Variants in EPHA1 observed in about 807,000 individuals in gnomAD.
EPHA1 encodes the protein EPH receptor A1.
In EPHA1, 92 loss-of-function variants were observed where a neutral mutation model predicts 110.1. That is an observed-to-expected ratio of 0.84 (90% CI 0.71 to 0.99). The LOEUF is 0.99. Ranked by LOEUF, EPHA1 falls within the 50% of genes least tolerant of loss-of-function variation. The pLI is 0.00. For synonymous variants in EPHA1, 500 were observed against 516.1 expected (o/e 0.97, Z 0.42); for missense variants, 1,204 against 1,285.4 (o/e 0.94, Z 0.97).
In EPHA1 at chr7:143,397,963, A is replaced by C; in HGVS notation, c.1572T>G (p.Pro524=). The change falls in exon 8 of 18, where the codon CCT becomes CCG. Residue 524 remains proline, a synonymous_variant. Transcript: ENST00000275815. ...ACTCATGATCAGGGGAGAAAGGGCCAGGACCCAGTGGGGTCAGCATTCGGA... is the reference window on the plus strand; with the variant it reads ...ACTCATGATCAGGGGAGAAAGGGCCCGGACCCAGTGGGGTCAGCATTCGGA... ...VRVRMLTPLG[P]GPFSPDHEFR... 1 of 1,614,176 alleles carries C rather than the reference A, an allele frequency of 6.2e-7. No homozygotes were observed. The highest frequency in any genetic ancestry group is 8.5e-7 in the Non-Finnish European group (1 of 1,180,016).
In EPHA1 at chr7:143,407,646, C is replaced by T; in HGVS notation, c.115G>A (p.Glu39Lys). The T allele has an allele frequency of 1.2e-6, 2 of 1,613,594 alleles. No homozygotes were observed. The highest frequency in any genetic ancestry group is 2.2e-5 in the East Asian group (1 of 44,810). The change falls in exon 2 of 18, where the codon GAG becomes AAG. Residue 39 changes from glutamate (E) to lysine (K), a missense_variant. Physicochemically the swap from Glu to Lys is moderately conservative, Grantham distance 56. Transcript: ENST00000275815. ...GGGGGATCCAGCAGCCAGCCCAGCTCTCCCTGTGCCTTGCTTGTGTCCATC... is the reference window on the plus strand; with the variant it reads ...GGGGGATCCAGCAGCCAGCCCAGCTTTCCCTGTGCCTTGCTTGTGTCCATC... ...TLMDTSKAQGELGWLLDPPKD... is the reference protein window; with the variant it reads ...TLMDTSKAQGKLGWLLDPPKD...
intron 10 of EPHA1, 97 bp from the exon 11 acceptor site, chr7:143,396,607 ACCTC>A: frequency 4.2e-6 from 6 of 1,442,952 alleles, no homozygotes; most frequent in Non-Finnish European, 3.8e-6. Flanking sequence ...ACTTCTCCAC[ACCTC>A]CCTGTTTCCC....
intron 11 of EPHA1, among the ~76,000 whole-genome samples, chr7:143,396,040 A>C (rs1157492417): frequency 6.6e-6 from 1 of 152,236 alleles, no homozygotes; most frequent in Non-Finnish European, 1.5e-5. Context: ...GGAGGGAATG[A>C]GTCCTACATT....
chr7:143,395,344 C>T lies in EPHA1; in HGVS notation c.2058G>A (p.Leu686=), dbSNP rs1307937760. Residue 686 remains leucine, a synonymous_variant, in exon 12 of 18, where the codon CTG becomes CTA. Coordinates refer to ENST00000275815, the MANE Select transcript of EPHA1 (RefSeq NM_005232.5). This position sits in a 1 kb window ranked among gnomAD's most constrained non-coding sequence, Gnocchi z 4.7. ...IMGQFSHPHI[L]HLEGVVTKRK... is the part of the protein sequence containing the mutation. ...GCTTTGTGACGACGCCTTCCAGATG[C>T]AGAATATGCGGGTGGCTAAACTGGC... is the stretch of plus-strand genomic sequence containing the variant. 36 of 1,614,106 alleles carry T rather than the reference C, an allele frequency of 2.2e-5. No individual in the cohort carries two copies. Among genetic ancestry groups the T allele is most frequent in the Non-Finnish European group, 2.6e-5 (31 of 1,180,058 alleles).
chr7:143,407,656 C>T lies in EPHA1; in HGVS notation c.105G>A (p.Lys35=). 6.2e-7 allele frequency: 1 copy of T among 1,613,408 alleles called. No homozygotes were observed. Among genetic ancestry groups the T allele is most frequent in the Non-Finnish European group, 8.5e-7 (1 of 1,179,668 alleles). ...GCAGCCAGCCCAGCTCTCCCTGTGC[C>T]TTGCTTGTGTCCATCAGAGTAACTG... ...AKEVTLMDTS[K]AQGELGWLLD... The change falls in exon 2 of 18, where the codon AAG becomes AAA. Residue 35 remains lysine, a synonymous_variant. Coordinates refer to ENST00000275815, the MANE Select transcript of EPHA1 (RefSeq NM_005232.5).
At position 143,397,696 on chromosome 7, in the gene EPHA1, A is replaced by G. The variant is rs756672063; in HGVS notation, c.1616-39T>C. The G allele has an allele frequency of 1.9e-6, 3 of 1,610,374 alleles. No homozygotes were observed. In the African/African-American group the frequency reaches 4.0e-5, roughly 22 times the overall value. ...GGGATGAGGAAGTGTTGGGACTCAC[A>G]GTCCGTAGGAATGAGGGGGGTTAAA... On this transcript the variant is annotated intron_variant, in intron 8 of 17. Coordinates refer to ENST00000275815, the MANE Select transcript of EPHA1 (RefSeq NM_005232.5).
At position 143,395,963 on chromosome 7, in the gene EPHA1, T is replaced by C. The variant is rs1367000920; in HGVS notation, c.1897+422A>G. On this transcript the variant is annotated intron_variant, in intron 11 of 17. Coordinates refer to ENST00000275815, the MANE Select transcript of EPHA1 (RefSeq NM_005232.5). The surrounding 1 kb of genome is among the most constrained non-coding windows in gnomAD (Gnocchi z 4.7). ...GTTCTCCACTGAGATCCATTTCCTC[T>C]GGTGACCCAAGGGAACAGGGCAGCC... is the stretch of plus-strand genomic sequence containing the variant. 1.3e-5 allele frequency among the ~76,000 whole-genome samples: 2 copies of C among 152,186 alleles called. No homozygotes were observed. Among genetic ancestry groups the C allele is most frequent in the East Asian group, 3.9e-4 (2 of 5,192 alleles).
At position 143,398,319 on chromosome 7, in the gene EPHA1, A is replaced by G; in HGVS notation, c.1464+2T>C. The G allele has an allele frequency of 6.2e-7, 1 of 1,613,926 alleles. No homozygotes were observed. Among genetic ancestry groups the G allele is most frequent in the Non-Finnish European group, 8.5e-7 (1 of 1,179,946 alleles). ...AAGACCATCTCTCAGTAGCATCCTG[A>G]CCTGGTTCAGCACGTGCAGCTCATA... On this transcript the variant is annotated splice_donor_variant, in intron 7 of 17. Coordinates refer to ENST00000275815, the MANE Select transcript of EPHA1 (RefSeq NM_005232.5). LOFTEE classifies it high-confidence loss of function.
intron 1 of EPHA1, chr7:143,407,886 G>A (rs758009860): frequency 1.2e-5 from 5 of 415,894 alleles, no homozygotes; most frequent in Non-Finnish European, 2.1e-5. Context: ...TGTGAAGGAA[G>A]GCAGGTAGAG....
intron 5 of EPHA1, 144 bp downstream of exon 5, chr7:143,399,114 G>T: frequency 1.6e-6 from 2 of 1,246,858 alleles, no homozygotes; most frequent in Non-Finnish European, 1.1e-6. Flanking sequence ...GGAGAGCAGG[G>T]TGCCAGGGCA....
intron 10 of EPHA1, 94 bp downstream of exon 10, chr7:143,397,210 G>A (rs1395028054): frequency 2.1e-6 from 3 of 1,429,158 alleles, no homozygotes; most frequent in African/African-American, 1.4e-5. Flanking sequence ...TGTGTCCCTT[G>A]ATCCCTTCCC....
At position 143,393,726 on chromosome 7, in the gene EPHA1, C is replaced by T; in HGVS notation, c.2641G>A (p.Glu881Lys). 3 of 1,613,904 alleles carry T rather than the reference C, an allele frequency of 1.9e-6. No homozygotes were observed. Among genetic ancestry groups the T allele is most frequent in the Non-Finnish European group, 2.5e-6 (3 of 1,179,942 alleles). Reference sequence around the variant, plus strand: ...GAGTGGGGGTTGGCAAGCAGTTGCTCCAGATGTGCCTGAAGCTTCTGGAAG... The same window carrying T: ...GAGTGGGGGTTGGCAAGCAGTTGCTTCAGATGTGCCTGAAGCTTCTGGAAG... ...PHFQKLQAHL[E>K]QLLANPHSLR... is the part of the protein sequence containing the mutation. Residue 881 changes from glutamate to lysine, a missense_variant, in exon 16 of 18, where the codon GAG becomes AAG. By Grantham distance (56) the Glu-to-Lys change is moderately conservative. Coordinates refer to ENST00000275815, the MANE Select transcript of EPHA1 (RefSeq NM_005232.5). The surrounding 1 kb of genome is among the most constrained non-coding windows in gnomAD (Gnocchi z 5.6).
Position 143,401,674 on chromosome 7 carries a change from T to C in EPHA1, c.151-69A>G. 6.4e-7 allele frequency: 1 copy of C among 1,556,852 alleles called. No homozygotes were observed. The highest frequency in any genetic ancestry group is 1.8e-5 in the Admixed American group (1 of 56,340). Reference sequence around the variant, plus strand: ...TCCCCAAACCCTTGGTTTTTAGAGCTGATGGAGAAGCAGCTGTGTCAGAGC... The same window carrying C: ...TCCCCAAACCCTTGGTTTTTAGAGCCGATGGAGAAGCAGCTGTGTCAGAGC... On this transcript the variant is annotated intron_variant, in intron 2 of 17. Transcript: ENST00000275815. The surrounding 1 kb of genome is among the most constrained non-coding windows in gnomAD (Gnocchi z 4.1).
At chr7:143,406,743 T>C (rs1805561337) in intron 2 of EPHA1, among the ~76,000 whole-genome samples, 2 of 152,226 alleles carry the variant, frequency 1.3e-5, no homozygotes, top group Non-Finnish European at 1.5e-5. Context: ...GAGAACTGAC[T>C]GCAGGCGGGA....
chr7:143,407,069 G>A (rs1805570653), intron 2 of EPHA1, among the ~76,000 whole-genome samples: 1 of 152,062 alleles, frequency 6.6e-6, no homozygotes, highest in South Asian at 2.1e-4. Context: ...TTTTAACTTC[G>A]GAGGAGTCAA....
At position 143,391,602 on chromosome 7, in the gene EPHA1, A is replaced by G. The variant is rs1805084879; in HGVS notation, c.2852+18T>C. ...ACCCCCGCAGCCCTCCCCTGCCCAGACAGCTCCAGCTCCTTACTCAGCGGT... is the reference window on the plus strand; with the variant it reads ...ACCCCCGCAGCCCTCCCCTGCCCAGGCAGCTCCAGCTCCTTACTCAGCGGT... On this transcript the variant is annotated intron_variant, in intron 17 of 17. Transcript: ENST00000275815. 2 of 1,614,192 alleles carry G rather than the reference A, an allele frequency of 1.2e-6. No individual in the cohort carries two copies. Among genetic ancestry groups the G allele is most frequent in the Non-Finnish European group, 1.7e-6 (2 of 1,180,028 alleles).
At position 143,401,078 on chromosome 7, in the gene EPHA1, A is replaced by G. The variant is rs1805401022; in HGVS notation, c.432+246T>C. The stretch of plus-strand genomic sequence containing the variant: ...CCAGGTGATTTTTAATTTTTTGCAG[A>G]GATGAAGTTTTGCTATGTTGCCCAG... On this transcript the variant is annotated intron_variant, in intron 3 of 17. Transcript: ENST00000275815. The surrounding 1 kb of genome is among the most constrained non-coding windows in gnomAD (Gnocchi z 4.1). 1.8e-5 allele frequency: 10 copies of G among 548,554 alleles called. No homozygotes were observed. In the South Asian group the frequency reaches 2.2e-4, roughly 12 times the overall value. 34.0% of individuals were successfully genotyped at this position (548,554 alleles called of 1,614,324 possible).
At chr7:143,394,710 G>A (rs778114992) in intron 14 of EPHA1, 98 bp downstream of exon 14, 50 of 1,426,104 alleles carry the variant, frequency 3.5e-5, no homozygotes, top group African/African-American at 4.2e-5. Flanking sequence ...GTGAGCCACC[G>A]TGCCTGGCCA....
At chr7:143,399,603 G>T (rs745435555) in intron 4 of EPHA1, 48 bp downstream of exon 4, 4 of 1,606,842 alleles carry the variant, frequency 2.5e-6, no homozygotes, top group Admixed American at 1.7e-5. Flanking sequence ...GGGTACTCCT[G>T]CAATCCTCCC....
Sources: allele counts gnomAD v4.1 joint callset (sites outside exome capture counted in the v4.1 genomes callset), GRCh38; gene constraint gnomAD v4.1.1; non-coding constraint Gnocchi (gnomAD v3.1); transcripts MANE v1.5; gene names NCBI Gene and HGNC (gene_info 2026-07-23, HGNC 2026-07-21).